The following CEP89 variants were observed in gnomAD, a reference collection of about 807,000 sequenced individuals.
CEP89 encodes the protein centrosomal protein 89.
CEP89 carries 95 observed loss-of-function variants against 97.6 expected under a neutral mutation model. That is an observed-to-expected ratio of 0.97 (90% CI 0.82 to 1.15). The LOEUF is 1.15. Ranked by LOEUF, CEP89 falls within the 50% of genes most tolerant of loss-of-function variation. The pLI, the probability that CEP89 is intolerant of heterozygous loss-of-function variation, is 0.00. For synonymous variants in CEP89, 354 were observed against 349.1 expected (o/e 1.01, Z -0.16); for missense variants, 869 against 947.7 (o/e 0.92, Z 1.09).
intron 2 of CEP89, among the ~76,000 whole-genome samples, chr19:32,960,917 C>A (rs1163597377): frequency 6.6e-6 from 1 of 152,172 alleles, no homozygotes; most frequent in Non-Finnish European, 1.5e-5. Flanking sequence ...GCCAGGCAGA[C>A]TCCCTGAGTT....
At chr19:32,915,599 G>C (rs1970108908) in intron 13 of CEP89, 82 bp from the exon 14 acceptor site, 1 of 1,208,414 alleles carries the variant, frequency 8.3e-7, no homozygotes, top group Middle Eastern at 1.9e-4. Flanking sequence ...AAATACTAAT[G>C]AGAGTCAGCT....
At chr19:32,927,134 ATCCATCCAT>A in intron 9 of CEP89, 150 bp from the exon 10 acceptor site, 1 of 186,972 alleles carries the variant, frequency 5.3e-6, no homozygotes, top group South Asian at 7.5e-5. Flanking sequence ...CCACCTACCC[ATCCATCCAT>A]CCATCCATCC....
chr19:32,937,269 G>T, intron 7 of CEP89: 1 of 323,510 alleles, frequency 3.1e-6, no homozygotes, highest in Non-Finnish European at 5.8e-6. Flanking sequence ...TTCCCAGTAC[G>T]GATCCCAGTA....
intron 17 of CEP89, among the ~76,000 whole-genome samples, chr19:32,884,494 A>G (rs1455087428): frequency 6.6e-6 from 1 of 152,174 alleles, no homozygotes; most frequent in Non-Finnish European, 1.5e-5. Flanking sequence ...TGTTTTATGT[A>G]CATATTTTTA....
intron 4 of CEP89, among the ~76,000 whole-genome samples, chr19:32,951,266 A>G (rs946909600): frequency 2.6e-5 from 4 of 152,120 alleles, no homozygotes; most frequent in African/African-American, 9.7e-5. Context: ...TGGGAGGATC[A>G]CCTGAGGTCA....
intron 16 of CEP89, among the ~76,000 whole-genome samples, chr19:32,894,579 G>A (rs1381055181): frequency 1.3e-5 from 2 of 152,238 alleles, no homozygotes; most frequent in African/African-American, 4.8e-5. Flanking sequence ...TTAGCTTACA[G>A]TGAGCTTTTC....
chr19:32,916,294 A>G (rs573360278), intron 13 of CEP89, among the ~76,000 whole-genome samples: 1 of 152,294 alleles, frequency 6.6e-6, no homozygotes, highest in East Asian at 1.9e-4. Flanking sequence ...CAAAAACCAA[A>G]AAAGCCAAAA....
intron 3 of CEP89, among the ~76,000 whole-genome samples, chr19:32,957,767 G>T (rs1273288665): frequency 1.3e-5 from 2 of 152,108 alleles, no homozygotes; most frequent in African/African-American, 4.8e-5. Context: ...CCGAGATCAT[G>T]CCACTGCACT....
At chr19:32,910,471 G>A (rs374855556) in intron 14 of CEP89, among the ~76,000 whole-genome samples, 2 of 152,082 alleles carry the variant, frequency 1.3e-5, no homozygotes, top group Non-Finnish European at 1.5e-5. Context: ...ACTAAATACT[G>A]TACAATTAGG....
At chr19:32,928,527 G>T (rs962150815) in intron 9 of CEP89, among the ~76,000 whole-genome samples, 1 of 151,992 alleles carries the variant, frequency 6.6e-6, no homozygotes, top group Admixed American at 6.6e-5. Context: ...GGCCCTCCTG[G>T]GCTCTTGACT....
chr19:32,884,748 A>T (rs538074060), intron 17 of CEP89, among the ~76,000 whole-genome samples: 1 of 152,100 alleles, frequency 6.6e-6, no homozygotes, highest in South Asian at 2.1e-4. Flanking sequence ...ACTTTTTTTT[A>T]GAGATGGGGT....
chr19:32,937,899 T>A (rs1746641707), intron 6 of CEP89, among the ~76,000 whole-genome samples: 1 of 152,164 alleles, frequency 6.6e-6, no homozygotes, highest in Admixed American at 6.6e-5. Flanking sequence ...TAGGGTGCAG[T>A]GGTGTGATCG....
intron 6 of CEP89, among the ~76,000 whole-genome samples, chr19:32,939,081 TA>T (rs893628210): frequency 4.6e-5 from 7 of 151,300 alleles, no homozygotes; most frequent in Non-Finnish European, 7.4e-5. Flanking sequence ...ACCCCATCTC[TA>T]AAAAAAAATT....
intron 14 of CEP89, among the ~76,000 whole-genome samples, chr19:32,906,511 G>T (rs956752302): frequency 1.3e-5 from 2 of 151,910 alleles, no homozygotes; most frequent in African/African-American, 4.8e-5. Flanking sequence ...AATCCCCAAA[G>T]ATATTATCAT....
Position 32,891,882 on chromosome 19 carries a change from T to TA in CEP89, c.1876-4042dup, listed in dbSNP as rs573433124. ...AGGAGCAAAAGAAAGAGAGAAAAATTAAAAAAAAAAATGAAGCATGCCTTC... is the reference window on the plus strand; with the variant it reads ...AGGAGCAAAAGAAAGAGAGAAAAATTAAAAAAAAAAAATGAAGCATGCCTTC... On this transcript the variant is annotated intron_variant, in intron 16 of 18. Transcript: ENST00000305768. Among the ~76,000 whole-genome samples the TA allele has an allele frequency of 4.5e-3, 638 of 142,834 alleles. 2 individuals are homozygous for TA. The highest frequency in any genetic ancestry group is 6.1e-3 in the Non-Finnish European group (395 of 64,488). 93.7% of individuals were successfully genotyped at this position (142,834 alleles called of 152,430 possible). A position where few individuals can be genotyped will look rare whatever the true frequency, so the allele number is the denominator to read the frequency against.
At chr19:32,944,065 C>CAAAATACA (rs1229768754) in intron 5 of CEP89, among the ~76,000 whole-genome samples, 1 of 151,592 alleles carries the variant, frequency 6.6e-6, no homozygotes, top group African/African-American at 2.4e-5. Flanking sequence ...CTGTGTCTAA[C>CAAAATACA]AAAATACAAA....
intron 12 of CEP89, among the ~76,000 whole-genome samples, chr19:32,922,145 T>G (rs1970262299): frequency 6.6e-6 from 1 of 151,410 alleles, no homozygotes; most frequent in South Asian, 2.1e-4. Context: ...CCCTGAGGAG[T>G]TCACAAAGGA....
chr19:32,886,600 C>T (rs1372921579), intron 17 of CEP89, among the ~76,000 whole-genome samples: 1 of 152,188 alleles, frequency 6.6e-6, no homozygotes, highest in East Asian at 1.9e-4. Flanking sequence ...TACCTTGGGG[C>T]CTGCTCACAG....
chr19:32,893,878 C>A (rs1212641104), intron 16 of CEP89, among the ~76,000 whole-genome samples: 1 of 152,134 alleles, frequency 6.6e-6, no homozygotes, highest in South Asian at 2.1e-4. Context: ...CTATGGGATA[C>A]AGCAAAAGCA....
Sources: gnomAD v4.1 joint callset for allele counts (sites outside exome capture counted in the v4.1 genomes callset) on GRCh38, gnomAD v4.1.1 for gene constraint, MANE v1.5 for transcripts, NCBI Gene and HGNC (gene_info 2026-07-23, HGNC 2026-07-21) for gene names.